Variants in PTPRN2 observed in about 807,000 individuals in gnomAD.
PTPRN2 encodes receptor-type tyrosine-protein phosphatase N2.
A neutral mutation model predicts 118.8 loss-of-function variants in PTPRN2; 74 were observed. The ratio of observed to expected loss-of-function variants is 0.62; its 90% confidence interval spans 0.52 to 0.76. PTPRN2 has a LOEUF of 0.76. Among genes scored for constraint, PTPRN2 ranks in the 30% least tolerant of loss-of-function variants. The pLI, the probability that PTPRN2 is intolerant of heterozygous loss-of-function variation, is 0.00. For synonymous variants in PTPRN2, 641 were observed against 608.0 expected (o/e 1.05, Z -0.80); for missense variants, 1,481 against 1,394.4 (o/e 1.06, Z -0.99).
At chr7:158,492,357 C>T (rs574535883) in intron 1 of PTPRN2, among the ~76,000 whole-genome samples, 16 of 152,342 alleles carry the variant, frequency 1.1e-4, no homozygotes, top group African/African-American at 2.6e-4. Flanking sequence ...ATGTTTGTCA[C>T]GTGGAAATGG....
Position 157,615,550 on chromosome 7 carries a change from A to G in PTPRN2, c.2344+5812T>C, listed in dbSNP as rs1802710488. 4 of 471,116 alleles carry G rather than the reference A, an allele frequency of 8.5e-6. No homozygotes were observed. The highest frequency in any genetic ancestry group is 6.2e-5 in the South Asian group (4 of 64,574). 29.2% of individuals were successfully genotyped at this position (471,116 alleles called of 1,614,324 possible). ...CATCGCAAGGCCGGGCCGTGGAAAC[A>G]ATCTCAGCCCTGGAACCAGCGCCTG... On this transcript the variant is annotated intron_variant, in intron 15 of 22. Transcript: ENST00000389418. The surrounding 1 kb of genome is among the most constrained non-coding windows in gnomAD (Gnocchi z 4.3).
At position 158,216,573 on chromosome 7, in the gene PTPRN2, T is replaced by C. The variant is rs561469346; in HGVS notation, c.278-11300A>G. 4.3e-4 allele frequency among the ~76,000 whole-genome samples: 66 copies of C among 152,160 alleles called. 1 individual carries two copies. In the South Asian group the frequency reaches 0.013, roughly 29 times the overall value. ...GATGGAAGCAATAGCTATATTAATA[T>C]CAGATAAGTTAACATTTAGAGTAAA... On this transcript the variant is annotated intron_variant, in intron 3 of 22. Transcript: ENST00000389418.
chr7:157,589,218 C>T (rs1003788172), intron 17 of PTPRN2, among the ~76,000 whole-genome samples: 1 of 152,212 alleles, frequency 6.6e-6, no homozygotes, highest in Non-Finnish European at 1.5e-5. Context: ...GGGAGGCTCA[C>T]GATGGCTTCA....
intron 11 of PTPRN2, among the ~76,000 whole-genome samples, chr7:157,946,533 C>A (rs1281882994): frequency 6.6e-6 from 1 of 152,170 alleles, no homozygotes; most frequent in African/African-American, 2.4e-5. Context: ...ATGTGAAGGC[C>A]CACAGCAGCT....
intron 6 of PTPRN2, among the ~76,000 whole-genome samples, chr7:158,149,158 G>C (rs74602423): frequency 0.096 from 2,742 of 28,704 alleles, no homozygotes; most frequent in East Asian, 0.11. Context: ...TTCCCCCTCA[G>C]TGACACCCCA....
intron 2 of PTPRN2, among the ~76,000 whole-genome samples, chr7:158,480,196 C>T (rs961787819): frequency 1.3e-4 from 20 of 152,176 alleles, no homozygotes; most frequent in Non-Finnish European, 2.2e-4. Flanking sequence ...GCACCATTTT[C>T]CCAGCAGCAC....
chr7:157,666,667 A>G (rs1404843521), intron 13 of PTPRN2, among the ~76,000 whole-genome samples: 2 of 152,234 alleles, frequency 1.3e-5, no homozygotes, highest in Non-Finnish European at 2.9e-5. Flanking sequence ...ACAGGCTGCC[A>G]AAAGCTGCGT....
chr7:158,020,289 G>A (rs530156823), intron 11 of PTPRN2, among the ~76,000 whole-genome samples: 1 of 152,234 alleles, frequency 6.6e-6, no homozygotes, highest in Non-Finnish European at 1.5e-5. Context: ...CAGGGAGGGT[G>A]GCCTTGTGCA....
intron 6 of PTPRN2, among the ~76,000 whole-genome samples, chr7:158,151,518 C>CTGCCT (rs1563522319): frequency 8.6e-5 from 5 of 58,474 alleles, no homozygotes; most frequent in East Asian, 5.6e-4. Flanking sequence ...TGCTCCTCAC[C>CTGCCT]GCACGTCCTA....
At chr7:157,566,636 A>G (rs1294174821) in intron 21 of PTPRN2, among the ~76,000 whole-genome samples, 1 of 152,234 alleles carries the variant, frequency 6.6e-6, no homozygotes, top group African/African-American at 2.4e-5. Context: ...CCATTTCCAC[A>G]TGGCTGCATG....
chr7:157,844,721 TCCCGGCAACGTA>T (rs1357968854), intron 12 of PTPRN2, among the ~76,000 whole-genome samples: 1 of 152,164 alleles, frequency 6.6e-6, no homozygotes, highest in Non-Finnish European at 1.5e-5. Flanking sequence ...TGCTCTGTGT[TCCCGGCAACGTA>T]CCCGGCACTG....
intron 16 of PTPRN2, 136 bp from the exon 17 acceptor site, chr7:157,595,451 GT>G: frequency 1.3e-6 from 1 of 751,818 alleles, no homozygotes; most frequent in Non-Finnish European, 2.2e-6. Context: ...AAACCCGGAG[GT>G]TAGGAAACCT....
At chr7:157,557,104 G>A (rs893261578) in intron 21 of PTPRN2, among the ~76,000 whole-genome samples, 6 of 144,102 alleles carry the variant, frequency 4.2e-5, no homozygotes, top group African/African-American at 1.6e-4. Flanking sequence ...ATACACACAG[G>A]CATGCACATG....
intron 1 of PTPRN2, among the ~76,000 whole-genome samples, chr7:158,562,208 G>A (rs983113423): frequency 2.6e-5 from 4 of 152,142 alleles, no homozygotes; most frequent in Admixed American, 6.5e-5. Flanking sequence ...GCATCCCAAG[G>A]TCCTGCTTCC....
In PTPRN2 at chr7:157,808,986, G is replaced by A. The variant is rs1413805429; in HGVS notation, c.1788+89687C>T. 6.6e-6 allele frequency among the ~76,000 whole-genome samples: 1 copy of A among 152,228 alleles called. No homozygotes were observed. The highest frequency in any genetic ancestry group is 6.5e-5 in the Admixed American group (1 of 15,284). ...CTTAAAACTTTATTTTAATGCACAC[G>A]TTCAGTCCCTGCAGCACCTCCCGAA... On this transcript the variant is annotated intron_variant, in intron 12 of 22. Transcript: ENST00000389418. The surrounding 1 kb of genome is among the most constrained non-coding windows in gnomAD (Gnocchi z 5.0).
chr7:158,569,171 G>A (rs1045446640), intron 1 of PTPRN2, among the ~76,000 whole-genome samples: 2 of 152,226 alleles, frequency 1.3e-5, no homozygotes, highest in Non-Finnish European at 2.9e-5. Flanking sequence ...TGAAATCTCA[G>A]GAATTTAGGT....
rs569556553 is a variant in PTPRN2 at position 158,347,271 on chromosome 7, T to C, written c.164-30339A>G. Among the ~76,000 whole-genome samples the C allele has an allele frequency of 5.3e-5, 8 of 152,366 alleles. No individual in the cohort carries two copies. The East Asian group carries it at 1.5e-3, about 29-fold the overall frequency. On this transcript the variant is annotated intron_variant, in intron 2 of 22. Transcript: ENST00000389418. ...GTCTTTAATCCCTTTTGAGTTTTTGTATGTGGTGAGAGATAAGTTCTAATT... is the reference window on the plus strand; with the variant it reads ...GTCTTTAATCCCTTTTGAGTTTTTGCATGTGGTGAGAGATAAGTTCTAATT...
chr7:158,466,679 C>A (rs1200954749), intron 2 of PTPRN2, among the ~76,000 whole-genome samples: 1 of 152,160 alleles, frequency 6.6e-6, no homozygotes, highest in African/African-American at 2.4e-5. Flanking sequence ...GGATCTATAA[C>A]CAAAAGAGGC....
At chr7:158,269,634 G>T (rs1329279310) in intron 3 of PTPRN2, among the ~76,000 whole-genome samples, 2 of 152,184 alleles carry the variant, frequency 1.3e-5, no homozygotes, top group African/African-American at 4.8e-5. Flanking sequence ...AATGGTGAAG[G>T]GTCCAGGATG....
Sources: allele counts gnomAD v4.1 joint callset (sites outside exome capture counted in the v4.1 genomes callset), GRCh38; gene constraint gnomAD v4.1.1; non-coding constraint Gnocchi (gnomAD v3.1); transcripts MANE v1.5; gene names NCBI Gene and HGNC (gene_info 2026-07-23, HGNC 2026-07-21).